Variants in SNX30 observed in about 807,000 individuals in gnomAD.
SNX30 encodes sorting nexin family member 30.
In SNX30, 24 loss-of-function variants were observed where a neutral mutation model predicts 46.4. The ratio of observed to expected loss-of-function variants is 0.52; its 90% CI spans 0.37 to 0.73. The LOEUF (loss-of-function observed/expected upper bound fraction) is 0.73, where lower values mean the gene tolerates loss of function less well. SNX30 is among the 30% of genes least tolerant of loss of function. The pLI, the probability that SNX30 is intolerant of heterozygous loss-of-function variation, is 0.00. For missense variants in SNX30, 533 were observed against 555.7 expected (o/e 0.96, Z 0.41); for synonymous variants, 189 against 211.5 (o/e 0.89, Z 0.92).
chr9:112,804,743 A>G (rs779215338), intron 1 of SNX30, 33 bp from the exon 2 acceptor site: 12 of 1,544,360 alleles, frequency 7.8e-6, no homozygotes, highest in African/African-American at 4.2e-5. Context: ...GTATGTTTTC[A>G]TTTAATTTTA....
At chr9:112,792,456 T>A (rs10759584) in intron 1 of SNX30, among the ~76,000 whole-genome samples, 4 of 152,108 alleles carry the variant, frequency 2.6e-5, no homozygotes, top group East Asian at 3.9e-4. Context: ...ACAGCATCTC[T>A]CTCCGTCGCC....
At chr9:112,865,045 TACAC>T (rs1409120551) in intron 8 of SNX30, among the ~76,000 whole-genome samples, 4 of 116,624 alleles carry the variant, frequency 3.4e-5, no homozygotes, top group African/African-American at 1.0e-4. Flanking sequence ...ACACACACAC[TACAC>T]ACACACCACA....
At position 112,804,925 on chromosome 9, in the gene SNX30, G is replaced by A; in HGVS notation, c.306G>A (p.Val102=). The change falls in exon 2 of 9, where the codon GTG becomes GTA. Residue 102 remains valine (V), a synonymous_variant. Coordinates refer to ENST00000374232, the MANE Select transcript of SNX30 (RefSeq NM_001012994.2). ...FVIVDDPKKH[V]CTMETYITYR... The stretch of plus-strand genomic sequence containing the variant: ...TAGTTGATGATCCCAAGAAGCATGT[G>A]TGTACAATGGAGACTTACATCACCT... 6.2e-7 allele frequency: 1 copy of A among 1,613,020 alleles called. No homozygotes were observed. The highest frequency in any genetic ancestry group is 1.3e-5 in the African/African-American group (1 of 74,972).
intron 6 of SNX30, among the ~76,000 whole-genome samples, chr9:112,839,429 T>G (rs537979545): frequency 6.6e-6 from 1 of 151,612 alleles, no homozygotes; most frequent in Non-Finnish European, 1.5e-5. Context: ...GGAACAAGAG[T>G]GAGAATGGCT....
chr9:112,835,302 G>C (rs1335154535), intron 4 of SNX30, among the ~76,000 whole-genome samples: 1 of 152,070 alleles, frequency 6.6e-6, no homozygotes, highest in Non-Finnish European at 1.5e-5. Context: ...GATGATAGGA[G>C]GAAGCTTGTT....
At chr9:112,766,884 C>T (rs188373317) in intron 1 of SNX30, among the ~76,000 whole-genome samples, 1 of 152,150 alleles carries the variant, frequency 6.6e-6, no homozygotes, top group South Asian at 2.1e-4. Context: ...TTGCTTTTGC[C>T]TCTTGGCCAT....
At chr9:112,832,668 C>G (rs995255038) in intron 4 of SNX30, among the ~76,000 whole-genome samples, 1 of 149,336 alleles carries the variant, frequency 6.7e-6, no homozygotes, top group African/African-American at 2.5e-5. Flanking sequence ...GGAGATATAC[C>G]TAATGCTAAA....
downstream of SNX30, chr9:112,879,409 G>C (rs1841551259): frequency 4.5e-6 from 1 of 222,142 alleles, no homozygotes; most frequent in Non-Finnish European, 9.0e-6. Flanking sequence ...ACAGTCCCTT[G>C]AAGAAAAGGG....
At chr9:112,765,937 G>T (rs1358684591) in intron 1 of SNX30, among the ~76,000 whole-genome samples, 2 of 152,090 alleles carry the variant, frequency 1.3e-5, no homozygotes, top group Non-Finnish European at 2.9e-5. Flanking sequence ...CCGAGTAGCT[G>T]GGAATACAGG....
chr9:112,815,498 T>G (rs1373517137), intron 2 of SNX30, among the ~76,000 whole-genome samples: 4 of 152,016 alleles, frequency 2.6e-5, no homozygotes, highest in Non-Finnish European at 5.9e-5. Flanking sequence ...GTAGCTGGGA[T>G]TACAGGCACC....
downstream of SNX30, chr9:112,877,119 G>GTGA (rs1286134824): frequency 2.1e-5 from 3 of 142,580 alleles, no homozygotes; most frequent in Non-Finnish European, 4.6e-5. Context: ...CGGTTCCCAG[G>GTGA]TGATGCTGCT....
intron 2 of SNX30, among the ~76,000 whole-genome samples, chr9:112,816,035 G>A (rs970105880): frequency 2.0e-5 from 3 of 152,086 alleles, no homozygotes; most frequent in East Asian, 3.9e-4. Flanking sequence ...TGCAGAGATG[G>A]GGTCTCGCTA....
intron 3 of SNX30, among the ~76,000 whole-genome samples, chr9:112,824,977 A>T (rs1024935482): frequency 2.0e-5 from 3 of 152,192 alleles, no homozygotes; most frequent in African/African-American, 7.2e-5. Context: ...CTTTGTACCC[A>T]TTAAGGAACC....
At chr9:112,881,058 C>T (rs906277497) in intron 5 of SNX30, among the ~76,000 whole-genome samples, 1 of 152,238 alleles carries the variant, frequency 6.6e-6, no homozygotes, top group African/African-American at 2.4e-5. Flanking sequence ...TTAGCTGCCT[C>T]ATCGTCTGCC....
intron 1 of SNX30, among the ~76,000 whole-genome samples, chr9:112,781,451 T>C (rs1839846080): frequency 6.6e-6 from 1 of 152,214 alleles, no homozygotes; most frequent in Non-Finnish European, 1.5e-5. Flanking sequence ...ATTATGCTTT[T>C]CCTTTATGGA....
intron 1 of SNX30, among the ~76,000 whole-genome samples, chr9:112,789,070 A>T (rs1456528970): frequency 6.6e-6 from 1 of 152,214 alleles, no homozygotes; most frequent in East Asian, 1.9e-4. Flanking sequence ...TGCTGGGATT[A>T]CATGAGTGCG....
At chr9:112,821,026 TG>T (rs944530807) in intron 3 of SNX30, among the ~76,000 whole-genome samples, 4 of 151,854 alleles carry the variant, frequency 2.6e-5, no homozygotes, top group Admixed American at 2.6e-4. Context: ...GTTCCCATTT[TG>T]GGGGGGGTGT....
intron 1 of SNX30, among the ~76,000 whole-genome samples, chr9:112,757,688 T>A (rs1473721487): frequency 6.6e-6 from 1 of 152,154 alleles, no homozygotes; most frequent in Non-Finnish European, 1.5e-5. Flanking sequence ...GCTTTCCAGG[T>A]CTCTGAGTCA....
At chr9:112,855,388 C>G (rs1432459261) in intron 7 of SNX30, among the ~76,000 whole-genome samples, 1 of 152,058 alleles carries the variant, frequency 6.6e-6, no homozygotes. Flanking sequence ...AGCAGAAGAT[C>G]CGAGGGAGTC....
Sources: allele counts gnomAD v4.1 joint callset (sites outside exome capture counted in the v4.1 genomes callset), GRCh38; gene constraint gnomAD v4.1.1; transcripts MANE v1.5; gene names NCBI Gene and HGNC (gene_info 2026-07-23, HGNC 2026-07-21).